DLGAP2: variants seen among roughly 807,000 people sequenced by gnomAD.
DLGAP2 encodes disks large-associated protein 2.
In DLGAP2, 26 loss-of-function variants were observed where a neutral mutation model predicts 100.3. The ratio of observed to expected loss-of-function variants is 0.26; its 90% CI spans 0.19 to 0.36. DLGAP2 has a LOEUF of 0.36. DLGAP2 is among the 10% of genes least tolerant of loss of function. DLGAP2 has a pLI of 1.00. For synonymous variants in DLGAP2, 886 were observed against 630.1 expected, an observed-to-expected ratio of 1.41 and a Z score of -6.08; for missense variants, 1,858 against 1,453.2, an observed-to-expected ratio of 1.28 and a Z score of -4.53.
At chr8:1,269,551 T>G (rs1420936517) in intron 3 of DLGAP2, among the ~76,000 whole-genome samples, 5 of 152,224 alleles carry the variant, frequency 3.3e-5, no homozygotes, top group Admixed American at 1.3e-4. Flanking sequence ...CGTATTATTG[T>G]GGCTGTGAAT....
At chr8:1,332,383 G>T (rs1801178074) in intron 3 of DLGAP2, among the ~76,000 whole-genome samples, 1 of 152,094 alleles carries the variant, frequency 6.6e-6, no homozygotes, top group Non-Finnish European at 1.5e-5. Flanking sequence ...CTGCACATGT[G>T]TGTTAGTGTG....
intron 2 of DLGAP2, among the ~76,000 whole-genome samples, chr8:1,124,338 C>T (rs1213224081): frequency 6.6e-6 from 1 of 152,178 alleles, no homozygotes; most frequent in African/African-American, 2.4e-5. Context: ...AGAAGGGTTA[C>T]CTGTGGCCCA....
At position 828,207 on chromosome 8, in the gene DLGAP2, A is replaced by C. The variant is rs1195417403; in HGVS notation, c.19-79705A>C. Among the ~76,000 whole-genome samples the C allele has an allele frequency of 3.3e-5, 5 of 152,252 alleles. No individual in the cohort carries two copies. In the East Asian group the frequency reaches 9.7e-4, roughly 29 times the overall value. On this transcript the variant is annotated intron_variant, in intron 1 of 14. Coordinates refer to ENST00000637795, the MANE Select transcript of DLGAP2 (RefSeq NM_001346810.2). ...AGGAGACAGGGTTTTGAGATCAACC[A>C]GTCTGACCAAAATTTATTAGGCAGG...
chr8:961,628 T>A lies in DLGAP2; in HGVS notation c.73+53662T>A, dbSNP rs576857681. On this transcript the variant is annotated intron_variant, in intron 2 of 14. Transcript: ENST00000637795. ...TTTTCCTTAAATTTATACACAAGTA[T>A]TTCTGATTATTAAGAAATTAGAATT... is the stretch of plus-strand genomic sequence containing the variant. Among the ~76,000 whole-genome samples the A allele has an allele frequency of 3.9e-5, 6 of 152,350 alleles. No homozygotes were observed. The East Asian group carries it at 9.6e-4, about 24-fold the overall frequency.
At chr8:816,513 T>C (rs1796483757) in intron 1 of DLGAP2, among the ~76,000 whole-genome samples, 1 of 152,198 alleles carries the variant, frequency 6.6e-6, no homozygotes, top group Non-Finnish European at 1.5e-5. Flanking sequence ...AATTCTTGGC[T>C]GGTAATTGTT....
intron 2 of DLGAP2, among the ~76,000 whole-genome samples, chr8:1,039,660 GGGTGGT>G (rs1802254878): frequency 1.4e-4 from 5 of 36,616 alleles, no homozygotes; most frequent in South Asian, 1.2e-3. Context: ...AGCTCGGTGT[GGGTGGT>G]CAGCTCGGTG....
intron 1 of DLGAP2, among the ~76,000 whole-genome samples, chr8:832,900 C>T (rs1408828587): frequency 6.6e-6 from 1 of 152,170 alleles, no homozygotes; most frequent in Non-Finnish European, 1.5e-5. Context: ...TGGGCTCTTC[C>T]TCTTGGGAGT....
chr8:933,229 C>A (rs1326738367), intron 2 of DLGAP2, among the ~76,000 whole-genome samples: 2 of 152,254 alleles, frequency 1.3e-5, no homozygotes, highest in African/African-American at 4.8e-5. Context: ...ACATCTGCTG[C>A]TTCCTTGACC....
At chr8:1,693,756 C>T (rs572700176) in intron 13 of DLGAP2, among the ~76,000 whole-genome samples, 2 of 152,278 alleles carry the variant, frequency 1.3e-5, no homozygotes, top group African/African-American at 4.8e-5. Flanking sequence ...GAGTCACCAA[C>T]ACATCACTCT....
At chr8:739,401 G>A (rs993142827) in intron 1 of DLGAP2, 1 of 152,236 alleles carries the variant, frequency 6.6e-6, no homozygotes, top group Non-Finnish European at 1.5e-5. Context: ...CCGGTACCTC[G>A]GCGTAGCCCG....
At chr8:961,058 G>T (rs1247202457) in intron 2 of DLGAP2, among the ~76,000 whole-genome samples, 1 of 148,844 alleles carries the variant, frequency 6.7e-6, no homozygotes, top group Non-Finnish European at 1.5e-5. Context: ...CCAATTCAGT[G>T]GTGGCTCTCT....
Position 1,702,998 on chromosome 8 carries a change from C to G in DLGAP2, c.*1592C>G, listed in dbSNP as rs1799614986. The stretch of plus-strand genomic sequence containing the variant: ...GCACTTTACAATGTCCCCAGCCCCT[C>G]TGCAGCCCGTGGCTGGCAGGGCGTT... On this transcript the variant is annotated 3_prime_UTR_variant, in exon 15 of 15. Transcript: ENST00000637795. 6.6e-6 allele frequency: 1 copy of G among 152,646 alleles called. No homozygotes were observed. The allele number at this position is 152,646 out of a possible 1,614,324, so 9.5% of individuals were successfully genotyped here. A position where few individuals can be genotyped will look rare whatever the true frequency, so the allele number is the denominator to read the frequency against.
Position 996,525 on chromosome 8 carries a change from G to A in DLGAP2, c.73+88559G>A, listed in dbSNP as rs145714939. Among the ~76,000 whole-genome samples, 274 of 152,276 alleles carry A rather than the reference G, an allele frequency of 1.8e-3. 2 individuals are homozygous for A. Among genetic ancestry groups the A allele is most frequent in the African/African-American group, 6.2e-3 (259 of 41,546 alleles). On this transcript the variant is annotated intron_variant, in intron 2 of 14. Coordinates refer to ENST00000637795, the MANE Select transcript of DLGAP2 (RefSeq NM_001346810.2). ...AGGTTTGTGCCTGTCGATGGGATGT[G>A]GCTACATTAATGAAAGTCCTTCCGT...
chr8:962,578 G>A (rs1202487839), intron 2 of DLGAP2, among the ~76,000 whole-genome samples: 1 of 152,140 alleles, frequency 6.6e-6, no homozygotes, highest in Admixed American at 6.5e-5. Context: ...CTCCTTTTGA[G>A]GTCACCTGCT....
intron 8 of DLGAP2, among the ~76,000 whole-genome samples, chr8:1,654,419 T>A (rs1464179110): frequency 1.3e-5 from 2 of 151,900 alleles, no homozygotes; most frequent in East Asian, 3.9e-4. Context: ...CTCAGCACTT[T>A]GGGAGGCAGA....
At chr8:1,514,253 A>G (rs1207584147) in intron 4 of DLGAP2, among the ~76,000 whole-genome samples, 1 of 152,224 alleles carries the variant, frequency 6.6e-6, no homozygotes, top group Non-Finnish European at 1.5e-5. Flanking sequence ...CTGAATTTAA[A>G]TGCAACTCTC....
In DLGAP2 at chr8:1,475,216, C is replaced by T. The variant is rs76207579; in HGVS notation, c.107-26150C>T. Among the ~76,000 whole-genome samples the T allele has an allele frequency of 4.2e-3, 632 of 152,260 alleles. 13 individuals are homozygous for T. Among genetic ancestry groups the T allele is most frequent in the East Asian group, 0.016 (84 of 5,180 alleles). On this transcript the variant is annotated intron_variant, in intron 3 of 14. Coordinates refer to ENST00000637795, the MANE Select transcript of DLGAP2 (RefSeq NM_001346810.2). The stretch of plus-strand genomic sequence containing the variant: ...ACAAGACACCGGGAACTACTGTGCT[C>T]ACTACCTGGGTGACAGTATCCGTCA...
chr8:1,047,757 C>T (rs1198357669), intron 2 of DLGAP2, among the ~76,000 whole-genome samples: 1 of 152,102 alleles, frequency 6.6e-6, no homozygotes, highest in Non-Finnish European at 1.5e-5. Context: ...AGGGATCAGC[C>T]TTCATGCCCT....
chr8:1,233,010 T>C (rs1351372059), intron 2 of DLGAP2, among the ~76,000 whole-genome samples: 5 of 152,238 alleles, frequency 3.3e-5, no homozygotes, highest in East Asian at 1.9e-4. Flanking sequence ...GAACATTTCA[T>C]AGGAATAGAA....
Sources: gnomAD v4.1 joint callset for allele counts (sites outside exome capture counted in the v4.1 genomes callset) on GRCh38, gnomAD v4.1.1 for gene constraint, MANE v1.5 for transcripts, NCBI Gene and HGNC (gene_info 2026-07-23, HGNC 2026-07-21) for gene names.